Variants in KCNAB2 observed in about 807,000 individuals in gnomAD.
The protein encoded by KCNAB2 is voltage-gated potassium channel subunit beta-2.
KCNAB2 carries 29 observed loss-of-function variants against 63.6 expected under a neutral mutation model. The ratio of observed to expected loss-of-function variants is 0.46; its 90% CI spans 0.34 to 0.62. The LOEUF (loss-of-function observed/expected upper bound fraction) is 0.62, where lower values mean the gene tolerates loss of function less well. Among genes scored for constraint, KCNAB2 ranks in the 20% least tolerant of loss-of-function variants. The pLI is 0.01. For missense variants in KCNAB2, 359 were observed against 563.9 expected (o/e 0.64, Z 3.68); for synonymous variants, 222 against 224.2 (o/e 0.99, Z 0.09).
At chr1:6,050,994 G>A (rs1661336877) in intron 1 of KCNAB2, among the ~76,000 whole-genome samples, 1 of 152,248 alleles carries the variant, frequency 6.6e-6, no homozygotes, top group African/African-American at 2.4e-5. Flanking sequence ...GGGGTGAGGT[G>A]CCTCCCTGGC....
chr1:6,072,518 A>C (rs1663291259), intron 2 of KCNAB2, among the ~76,000 whole-genome samples: 1 of 152,140 alleles, frequency 6.6e-6, no homozygotes. Flanking sequence ...GCAGACCCCC[A>C]CTGGGCACCA....
intron 15 of KCNAB2, chr1:6,097,884 G>A (rs886919026): frequency 3.1e-5 from 6 of 195,162 alleles, no homozygotes; most frequent in Non-Finnish European, 6.2e-5. Context: ...GCAGAGGAGG[G>A]CGAGCTGCAG....
At chr1:6,068,763 C>G (rs1488856433) in intron 2 of KCNAB2, among the ~76,000 whole-genome samples, 1 of 152,144 alleles carries the variant, frequency 6.6e-6, no homozygotes, top group Non-Finnish European at 1.5e-5. Context: ...TGAGGGGGAG[C>G]CTGATCCCAG....
chr1:6,068,798 C>T lies in KCNAB2; in HGVS notation c.219-3957C>T, dbSNP rs79062089. On this transcript the variant is annotated intron_variant, in intron 2 of 15. Coordinates refer to ENST00000378083, the MANE Select transcript of KCNAB2 (RefSeq NM_001199862.2). Reference sequence around the variant, plus strand: ...GCCTCCCTGTGACTCTGGCCTCCTCCCTGGGAAGCTGGCCCTTCCCAGTGG... The same window carrying T: ...GCCTCCCTGTGACTCTGGCCTCCTCTCTGGGAAGCTGGCCCTTCCCAGTGG... Among the ~76,000 whole-genome samples, 325 of 152,274 alleles carry T rather than the reference C, an allele frequency of 2.1e-3. 4 individuals carry two copies. Among genetic ancestry groups the T allele is most frequent in the African/African-American group, 7.2e-3 (301 of 41,550 alleles).
intron 12 of KCNAB2, 22 bp downstream of exon 12, chr1:6,095,465 G>GCCGGC: frequency 6.3e-7 from 1 of 1,586,188 alleles, no homozygotes; most frequent in Non-Finnish European, 8.6e-7. Flanking sequence ...CGGGCCCCTC[G>GCCGGC]CCCCGCCCCA....
At position 6,003,411 on chromosome 1, in the gene KCNAB2, C is replaced by A. The variant is rs1330777179; in HGVS notation, c.-53+10623C>A. Among the ~76,000 whole-genome samples the A allele has an allele frequency of 6.6e-6, 1 of 152,230 alleles. No homozygotes were observed. The highest frequency in any genetic ancestry group is 1.5e-5 in the Non-Finnish European group (1 of 68,036). ...CCTCCCCACTCGCTCGCTCGGCTGC[C>A]TTCAGCCCCTGCAGACACGCAGGCA... On this transcript the variant is annotated intron_variant, in intron 1 of 16. Coordinates refer to the KCNAB2 transcript ENST00000341524. This position sits in a 1 kb window ranked among gnomAD's most constrained non-coding sequence, Gnocchi z 4.1.
chr1:6,014,486 TGTATGA>T (rs1476462919), intron 1 of KCNAB2, among the ~76,000 whole-genome samples: 1 of 152,262 alleles, frequency 6.6e-6, no homozygotes, highest in Non-Finnish European at 1.5e-5. Flanking sequence ...ACACACAGTC[TGTATGA>T]GCAACTCAAA....
In KCNAB2 at chr1:6,045,925, C is replaced by T; in HGVS notation, c.-285C>T. 1.0e-6 allele frequency: 1 copy of T among 985,454 alleles called. No individual in the cohort carries two copies. Among genetic ancestry groups the T allele is most frequent in the Non-Finnish European group, 1.2e-6 (1 of 829,944 alleles). The allele number at this position is 985,454 out of a possible 1,614,324, so 61.0% of individuals were successfully genotyped here. A position where few individuals can be genotyped will look rare whatever the true frequency, so the allele number is the denominator to read the frequency against. On this transcript the variant is annotated 5_prime_UTR_variant, in exon 1 of 16. Transcript: ENST00000378083. This position sits in a 1 kb window ranked among gnomAD's most constrained non-coding sequence, Gnocchi z 4.8. ...CAGGTTGCAGCACGGAACTGCACTTCCCGAGCTTTTAGGGGAAGAGGCACT... is the reference window on the plus strand; with the variant it reads ...CAGGTTGCAGCACGGAACTGCACTTTCCGAGCTTTTAGGGGAAGAGGCACT...
chr1:6,051,408 T>C, intron 1 of KCNAB2, 103 bp from the exon 2 acceptor site: 1 of 1,343,868 alleles, frequency 7.4e-7, no homozygotes, highest in Non-Finnish European at 9.7e-7. Flanking sequence ...TGGCACTAGT[T>C]AAAGGATGTT....
At chr1:6,005,850 G>A (rs960786592) in intron 1 of KCNAB2, among the ~76,000 whole-genome samples, 16 of 151,844 alleles carry the variant, frequency 1.1e-4, no homozygotes, top group Non-Finnish European at 2.2e-4. Flanking sequence ...GAGGTCCCAG[G>A]GCTGGCACCC....
chr1:6,059,634 A>AGT (rs1553125795), intron 2 of KCNAB2, among the ~76,000 whole-genome samples: 1 of 151,862 alleles, frequency 6.6e-6, no homozygotes, highest in African/African-American at 2.4e-5. Context: ...TACGTCTCAA[A>AGT]GGGTGCTTCT....
At position 6,100,140 on chromosome 1, in the gene KCNAB2, A is replaced by T; in HGVS notation, c.*1566A>T. 2.1e-6 allele frequency: 3 copies of T among 1,413,336 alleles called. No homozygotes were observed. Among genetic ancestry groups the T allele is most frequent in the Non-Finnish European group, 2.8e-6 (3 of 1,077,452 alleles). The allele number at this position is 1,413,336 out of a possible 1,614,324, so 87.5% of individuals were successfully genotyped here. ...AGGCTCCACCCTGCCGTCCTGCGGG[A>T]GCCTGCTGTCCAGTCCTGGCCGGGC... On this transcript the variant is annotated 3_prime_UTR_variant, in exon 16 of 16. Coordinates refer to ENST00000378083, the MANE Select transcript of KCNAB2 (RefSeq NM_001199862.2).
intron 1 of KCNAB2, among the ~76,000 whole-genome samples, chr1:6,013,127 G>A (rs1297076528): frequency 6.6e-6 from 1 of 152,132 alleles, no homozygotes; most frequent in Non-Finnish European, 1.5e-5. Flanking sequence ...TAAGCAGAAA[G>A]CTGCTTGTTC....
At chr1:5,993,759 C>T (rs1656738061) in intron 1 of KCNAB2, among the ~76,000 whole-genome samples, 1 of 152,216 alleles carries the variant, frequency 6.6e-6, no homozygotes, top group Non-Finnish European at 1.5e-5. Flanking sequence ...TCCCTCCCCA[C>T]CCCCACTTTC....
chr1:6,096,055 G>C lies in KCNAB2; in HGVS notation c.948+431G>C. 2.2e-6 allele frequency: 1 copy of C among 459,524 alleles called. No homozygotes were observed. Among genetic ancestry groups the C allele is most frequent in the South Asian group, 1.5e-5 (1 of 64,568 alleles). 28.5% of individuals were successfully genotyped at this position (459,524 alleles called of 1,614,324 possible). On this transcript the variant is annotated intron_variant, in intron 13 of 15. Transcript: ENST00000378083. This position sits in a 1 kb window ranked among gnomAD's most constrained non-coding sequence, Gnocchi z 5.9. ...CCCCACCACACAACCTCTGAGTGGG[G>C]ACTCAGGAGGGTCCCCAGACTGCAG... is the stretch of plus-strand genomic sequence containing the variant.
At chr1:6,037,766 C>A (rs1283408775) in intron 1 of KCNAB2, among the ~76,000 whole-genome samples, 1 of 152,086 alleles carries the variant, frequency 6.6e-6, no homozygotes, top group African/African-American at 2.4e-5. Flanking sequence ...CTCCAGCCCC[C>A]CAGTGCTGCA....
chr1:6,034,246 CTG>C (rs1659854643), upstream of KCNAB2: 1 of 152,396 alleles, frequency 6.6e-6, no homozygotes, highest in Non-Finnish European at 1.5e-5. Context: ...AAGGTGGACT[CTG>C]GGCCAGTCGG....
At chr1:6,068,210 C>T (rs1017711477) in intron 2 of KCNAB2, among the ~76,000 whole-genome samples, 1 of 152,242 alleles carries the variant, frequency 6.6e-6, no homozygotes, top group Non-Finnish European at 1.5e-5. Flanking sequence ...CTGTTTCCCT[C>T]CTAAAACTCA....
intron 1 of KCNAB2, among the ~76,000 whole-genome samples, chr1:6,039,236 G>A (rs1024313655): frequency 2.6e-5 from 4 of 152,226 alleles, no homozygotes; most frequent in South Asian, 4.1e-4. Flanking sequence ...CTGGGAAGGC[G>A]GGGGCCTGGG....
Sources: allele counts gnomAD v4.1 joint callset (sites outside exome capture counted in the v4.1 genomes callset), GRCh38; gene constraint gnomAD v4.1.1; non-coding constraint Gnocchi (gnomAD v3.1); transcripts MANE v1.5; gene names NCBI Gene and HGNC (gene_info 2026-07-23, HGNC 2026-07-21).